The following EP300 variants were observed in gnomAD, a reference collection of about 807,000 sequenced individuals.
The protein encoded by EP300 is histone acetyltransferase p300.
A neutral mutation model predicts 264.0 loss-of-function variants in EP300; 31 were observed. The observed-to-expected ratio is 0.12, with a 90% CI of 0.09 to 0.16. EP300 has a LOEUF of 0.16. Among genes scored for constraint, EP300 ranks in the 10% least tolerant of loss-of-function variants. EP300 has a pLI of 1.00. For synonymous variants in EP300, 1,340 were observed against 1,045.4 expected (o/e 1.28, Z -5.44); for missense variants, 2,766 against 3,052.9 (o/e 0.91, Z 2.21).
rs368910454 is a variant in EP300, at chr22:41,168,878, C to T, written c.4172+11C>T. 7.4e-6 allele frequency: 12 copies of T among 1,614,016 alleles called. No individual in the cohort carries two copies. In the African/African-American group the frequency reaches 1.3e-4, roughly 18 times the overall value. ...TCCACCCAACCAGAGGTATGACTAG[C>T]TCACAGTGGCTAGCTCCGGATTTGT... On this transcript the variant is annotated intron_variant, in intron 25 of 30. Coordinates refer to ENST00000263253, the MANE Select transcript of EP300 (RefSeq NM_001429.4).
intron 14 of EP300, 37 bp from the exon 15 acceptor site, chr22:41,151,796 C>T (rs371729844): frequency 5.1e-5 from 82 of 1,601,676 alleles, no homozygotes; most frequent in Middle Eastern, 1.9e-4. Context: ...GCAGACTCTG[C>T]GTGTGTCTCA....
intron 16 of EP300, among the ~76,000 whole-genome samples, chr22:41,152,911 C>T (rs2059055424): frequency 6.6e-6 from 1 of 152,118 alleles, no homozygotes; most frequent in Non-Finnish European, 1.5e-5. Flanking sequence ...GCGCATGCCA[C>T]CATGCCCGTC....
At chr22:41,093,604 A>C (rs962744644) in intron 1 of EP300, among the ~76,000 whole-genome samples, 7 of 152,192 alleles carry the variant, frequency 4.6e-5, no homozygotes, top group Non-Finnish European at 4.4e-5. Flanking sequence ...GCGAGGTCCA[A>C]GATTTCAGGT....
intron 23 of EP300, 170 bp from the exon 24 acceptor site, chr22:41,168,279 C>T: frequency 2.9e-6 from 2 of 683,418 alleles, no homozygotes; most frequent in Non-Finnish European, 5.2e-6. Flanking sequence ...TCCCTGCACT[C>T]ATATGACATG....
At chr22:41,112,018 G>A (rs538899778) in intron 1 of EP300, among the ~76,000 whole-genome samples, 1 of 151,154 alleles carries the variant, frequency 6.6e-6, no homozygotes, top group Admixed American at 6.6e-5. Context: ...CTCCCGAGTA[G>A]CTGGGACTAC....
In EP300 at chr22:41,170,551, C is replaced by T. The variant is rs1445337631; in HGVS notation, c.4432C>T (p.Arg1478Cys). The T allele has an allele frequency of 3.1e-6, 5 of 1,612,914 alleles. No homozygotes were observed. The highest frequency in any genetic ancestry group is 4.2e-6 in the Non-Finnish European group (5 of 1,179,764). The change falls in exon 27 of 31, where the codon CGT becomes TGT. Residue 1478 changes from arginine (R) to cysteine (C), a missense_variant. By Grantham distance (180) the Arg-to-Cys change is radical. Coordinates refer to ENST00000263253, the MANE Select transcript of EP300 (RefSeq NM_001429.4). ...AATGCTTGACAAGGCTGTATCAGAG[C>T]GTATTGTCCATGACTACAAGGTCAG... The part of the protein sequence containing the change: ...KKMLDKAVSE[R>C]IVHDYKDIFK...
At chr22:41,113,270 G>A (rs1251029943) in intron 1 of EP300, among the ~76,000 whole-genome samples, 3 of 147,400 alleles carry the variant, frequency 2.0e-5, no homozygotes, top group Admixed American at 7.0e-5. Flanking sequence ...TATTTATTTT[G>A]TATGTTTTCT....
At chr22:41,145,840 C>CT (rs1244572893) in intron 10 of EP300, among the ~76,000 whole-genome samples, 1 of 151,766 alleles carries the variant, frequency 6.6e-6, no homozygotes, top group Non-Finnish European at 1.5e-5. Flanking sequence ...TTTCACCGTG[C>CT]TATCTAGGAT....
rs745379990 is a variant in EP300 at position 41,151,824 on chromosome 22, T to C, written c.2818-9T>C. ...GTGTCTCACCTACTTCCCTTTTTTT[T>C]CTGCCCAGCTTTCCCAGCCAGCTGT... is the stretch of plus-strand genomic sequence containing the variant. On this transcript the variant is annotated splice_polypyrimidine_tract_variant and intron_variant, in intron 14 of 30. Transcript: ENST00000263253. The C allele has an allele frequency of 2.0e-5, 33 of 1,613,970 alleles. 1 individual carries two copies. In the South Asian group the frequency reaches 2.7e-4, roughly 13 times the overall value.
chr22:41,153,047 C>T (rs1242878257), intron 16 of EP300, among the ~76,000 whole-genome samples: 2 of 152,196 alleles, frequency 1.3e-5, no homozygotes, highest in Admixed American at 1.3e-4. Flanking sequence ...TGAGCTACCA[C>T]ACCCGGCCTC....
chr22:41,103,086 T>G (rs1479925548), intron 1 of EP300, among the ~76,000 whole-genome samples: 8 of 152,164 alleles, frequency 5.3e-5, no homozygotes, highest in Non-Finnish European at 1.2e-4. Flanking sequence ...TGGCCTCAAG[T>G]GATCTGCTCG....
intron 1 of EP300, among the ~76,000 whole-genome samples, chr22:41,101,894 A>AT (rs918761331): frequency 4.6e-5 from 7 of 152,106 alleles, no homozygotes; most frequent in African/African-American, 9.7e-5. Flanking sequence ...GCTCCAAAGA[A>AT]TTTTTTTACA....
rs555467754 is a variant in EP300 at position 41,178,370 on chromosome 22, C to G, written c.6659C>G (p.Pro2220Arg). 2.0e-5 allele frequency: 33 copies of G among 1,614,168 alleles called. No individual in the cohort carries two copies. The African/African-American group carries it at 4.1e-4, about 20-fold the overall frequency. Reference sequence around the variant, plus strand: ...CAGCAACCCCAAGGAGTTGGCTACCCACCACAGCAGCAGCAGCGGATGCAG... The same window carrying G: ...CAGCAACCCCAAGGAGTTGGCTACCGACCACAGCAGCAGCAGCGGATGCAG... ...QFQQPQGVGY[P>R]PQQQQRMQHH... The change falls in exon 31 of 31, where the codon CCA becomes CGA. Residue 2220 changes from proline (P) to arginine (R), a missense_variant. By Grantham distance (103) the Pro-to-Arg change is moderately radical. Transcript: ENST00000263253.
chr22:41,113,578 G>A (rs766382376), intron 1 of EP300, among the ~76,000 whole-genome samples: 22 of 152,228 alleles, frequency 1.4e-4, no homozygotes, highest in Non-Finnish European at 2.8e-4. Context: ...ACGGAGTCTC[G>A]CTCTGTCGCC....
Position 41,178,660 on chromosome 22 carries a change from C to T in EP300, c.6949C>T (p.Arg2317Trp), listed in dbSNP as rs2059218900. The T allele has an allele frequency of 5.6e-6, 9 of 1,614,180 alleles. No homozygotes were observed. Among genetic ancestry groups the T allele is most frequent in the Non-Finnish European group, 7.6e-6 (9 of 1,180,022 alleles). Residue 2317 changes from arginine to tryptophan, a missense_variant, in exon 31 of 31, where the codon CGG becomes TGG. Physicochemically the swap from Arg to Trp is moderately radical, Grantham distance 101. Transcript: ENST00000263253. Reference sequence around the variant, plus strand: ...CTCTCCCCAGCCTGTCCCTTCTCCACGGCCACAGTCCCAGCCCCCCCACTC... The same window carrying T: ...CTCTCCCCAGCCTGTCCCTTCTCCATGGCCACAGTCCCAGCCCCCCCACTC... ...VRSPQPVPSP[R>W]PQSQPPHSSP...
At position 41,137,681 on chromosome 22, in the gene EP300, C is replaced by G. The variant is rs1481865764; in HGVS notation, c.1651C>G (p.Pro551Ala). Reference sequence around the variant, plus strand: ...AATGATGAGTGAAAATGCCAGTGTGCCCTCCCTGGGTCCTATGCCAACAGC... The same window carrying G: ...AATGATGAGTGAAAATGCCAGTGTGGCCTCCCTGGGTCCTATGCCAACAGC... The part of the protein sequence containing the change: ...NPMMSENASV[P>A]SLGPMPTAAQ... The change falls in exon 8 of 31, where the codon CCC becomes GCC. Residue 551 changes from proline (P) to alanine (A), a missense_variant. Physicochemically the swap from Pro to Ala is conservative, Grantham distance 27. Coordinates refer to ENST00000263253, the MANE Select transcript of EP300 (RefSeq NM_001429.4). 2 of 1,613,964 alleles carry G rather than the reference C, an allele frequency of 1.2e-6. No homozygotes were observed. The highest frequency in any genetic ancestry group is 2.7e-5 in the African/African-American group (2 of 74,896).
In EP300 at chr22:41,177,413, C is replaced by G. The variant is rs2059207460; in HGVS notation, c.5702C>G (p.Ala1901Gly). Residue 1901 changes from alanine to glycine, a missense_variant, in exon 31 of 31, where the codon GCA (alanine) becomes GGA (glycine). Transcript: ENST00000263253. ...GCTGGCCCTGTGTCCCAGGGTAAGG[C>G]AGCAGGCCAGGTGACCCCTCCAACC... ...QAAGPVSQGK[A>G]AGQVTPPTPP... is the part of the protein sequence containing the mutation. 1.2e-6 allele frequency: 2 copies of G among 1,614,058 alleles called. No homozygotes were observed. The highest frequency in any genetic ancestry group is 1.3e-5 in the African/African-American group (1 of 74,908).
In EP300 at chr22:41,142,101, T is replaced by C. The variant is rs550003330; in HGVS notation, c.2053+879T>C. On this transcript the variant is annotated intron_variant, in intron 10 of 30. Transcript: ENST00000263253. ...ATAGTCTTACTCAATCGTTGACTTA[T>C]TGGTACGATCAAAGTAGTGAAATAT... is the stretch of plus-strand genomic sequence containing the variant. Among the ~76,000 whole-genome samples the C allele has an allele frequency of 1.1e-4, 17 of 152,344 alleles. No individual in the cohort carries two copies. The South Asian group carries it at 2.5e-3, about 22-fold the overall frequency.
chr22:41,129,864 G>GA (rs754031160), intron 4 of EP300, 26 bp from the exon 5 acceptor site: 29 of 1,586,418 alleles, frequency 1.8e-5, no homozygotes, highest in African/African-American at 1.6e-4. Flanking sequence ...ACCTGCTCTT[G>GA]AAAAAATATG....
Sources: allele counts gnomAD v4.1 joint callset (sites outside exome capture counted in the v4.1 genomes callset), GRCh38; gene constraint gnomAD v4.1.1; transcripts MANE v1.5; gene names NCBI Gene and HGNC (gene_info 2026-07-23, HGNC 2026-07-21).